PEAK1: variants seen among roughly 807,000 people sequenced by gnomAD.
PEAK1 encodes inactive tyrosine-protein kinase PEAK1.
In PEAK1, 54 loss-of-function variants were observed where a neutral mutation model predicts 124.7. That is an observed-to-expected ratio of 0.43 (90% confidence interval 0.35 to 0.54). The LOEUF (loss-of-function observed/expected upper bound fraction) is 0.54. Among genes scored for constraint, PEAK1 ranks in the 20% least tolerant of loss-of-function variants. The pLI is 0.01. For synonymous variants in PEAK1, 719 were observed against 760.0 expected, an observed-to-expected ratio of 0.95 and a Z score of 0.89; for missense variants, 2,046 against 2,134.5, an observed-to-expected ratio of 0.96 and a Z score of 0.82.
chr15:77,166,260 G>A (rs1422849577), intron 7 of PEAK1, among the ~76,000 whole-genome samples: 1 of 152,150 alleles, frequency 6.6e-6, no homozygotes, highest in Non-Finnish European at 1.5e-5. Context: ...TTTACCGAAT[G>A]CTAGGCACTG....
intron 5 of PEAK1, among the ~76,000 whole-genome samples, chr15:77,261,999 C>G (rs1385920940): frequency 6.6e-6 from 1 of 152,066 alleles, no homozygotes. Flanking sequence ...ATTTCATATC[C>G]AGCCAAACTA....
chr15:77,348,125 C>A (rs1017217581), intron 2 of PEAK1: 2 of 978,612 alleles, frequency 2.0e-6, no homozygotes, highest in Middle Eastern at 5.2e-4. Flanking sequence ...CAATGGAGAT[C>A]AAAAACTTGC....
At chr15:77,175,379 C>G (rs1183746169) in intron 7 of PEAK1, among the ~76,000 whole-genome samples, 1 of 151,996 alleles carries the variant, frequency 6.6e-6, no homozygotes, top group Non-Finnish European at 1.5e-5. Context: ...TATCCAGAAT[C>G]TACAATGAAC....
intron 6 of PEAK1, among the ~76,000 whole-genome samples, chr15:77,243,956 G>A (rs2060466312): frequency 6.7e-6 from 1 of 148,600 alleles, no homozygotes; most frequent in Non-Finnish European, 1.5e-5. Context: ...CAACAGAAGT[G>A]AAACTCTTTC....
intron 5 of PEAK1, among the ~76,000 whole-genome samples, chr15:77,255,956 A>G (rs1235723534): frequency 6.6e-6 from 1 of 152,182 alleles, no homozygotes. Context: ...AAGACATTAT[A>G]GACACAGGTA....
chr15:77,418,160 C>T lies in PEAK1; in HGVS notation c.-666+1846G>A, dbSNP rs1332355798. On this transcript the variant is annotated intron_variant, in intron 1 of 9. Coordinates refer to ENST00000682557, the MANE Select transcript of PEAK1 (RefSeq NM_001385026.1). ...TCTGTATACTATCAACTGGATAAAA[C>T]GAATAGTTGAGGTATCATAATAGTT... 5 of 984,318 alleles carry T rather than the reference C, an allele frequency of 5.1e-6. No individual in the cohort carries two copies. In the African/African-American group the frequency reaches 7.0e-5, roughly 14 times the overall value. 61.0% of individuals were successfully genotyped at this position (984,318 alleles called of 1,614,324 possible).
intron 8 of PEAK1, among the ~76,000 whole-genome samples, chr15:77,149,235 T>G (rs2054396216): frequency 6.6e-6 from 1 of 152,228 alleles, no homozygotes; most frequent in Admixed American, 6.5e-5. Context: ...TGCTTCACAA[T>G]GTAATTTTCA....
At chr15:77,413,107 C>T (rs1355994742) in intron 1 of PEAK1, among the ~76,000 whole-genome samples, 1 of 151,986 alleles carries the variant, frequency 6.6e-6, no homozygotes, top group Non-Finnish European at 1.5e-5. Flanking sequence ...CTTCAGAAGC[C>T]ACAGCAATAA....
rs532083960 is a variant in PEAK1 at position 77,201,529 on chromosome 15, C to T, written c.-114-19489G>A. Reference sequence around the variant, plus strand: ...CTGGGATTACAGGCATGAGCCACTGCGCCTGGCCCAAGCCTTTGTGTCTTA... The same window carrying T: ...CTGGGATTACAGGCATGAGCCACTGTGCCTGGCCCAAGCCTTTGTGTCTTA... On this transcript the variant is annotated intron_variant, in intron 6 of 9. Transcript: ENST00000682557. Among the ~76,000 whole-genome samples, 18 of 152,162 alleles carry T rather than the reference C, an allele frequency of 1.2e-4. 1 individual carries two copies. In the East Asian group the frequency reaches 1.7e-3, roughly 15 times the overall value.
chr15:77,117,979 C>G (rs1218882441), intron 9 of PEAK1, among the ~76,000 whole-genome samples: 2 of 152,108 alleles, frequency 1.3e-5, no homozygotes, highest in Non-Finnish European at 2.9e-5. Flanking sequence ...TGTTTAGCTT[C>G]ACAGATCTAC....
intron 9 of PEAK1, 88 bp from the exon 10 acceptor site, chr15:77,115,407 T>A: frequency 8.1e-7 from 1 of 1,236,344 alleles, no homozygotes; most frequent in Non-Finnish European, 1.1e-6. Context: ...GGTGACTGGT[T>A]AGGGACAAAC....
intron 5 of PEAK1, among the ~76,000 whole-genome samples, chr15:77,254,625 G>C (rs1367025212): frequency 6.6e-6 from 1 of 151,998 alleles, no homozygotes; most frequent in Non-Finnish European, 1.5e-5. Context: ...TAGAAACTGG[G>C]TCTCACTACA....
chr15:77,191,218 T>C (rs2057815319), intron 6 of PEAK1, among the ~76,000 whole-genome samples: 1 of 152,214 alleles, frequency 6.6e-6, no homozygotes, highest in East Asian at 1.9e-4. Flanking sequence ...TAAAGGAGTA[T>C]AATAACTACC....
intron 2 of PEAK1, among the ~76,000 whole-genome samples, chr15:77,312,224 T>C (rs1468387295): frequency 2.0e-5 from 3 of 152,028 alleles, no homozygotes; most frequent in Non-Finnish European, 4.4e-5. Flanking sequence ...ATAAGAAAAA[T>C]AGATTACAGT....
At chr15:77,201,998 ATTCATTTTAGACTCCAATATTG>A (rs1418697340) in intron 6 of PEAK1, among the ~76,000 whole-genome samples, 1 of 152,136 alleles carries the variant, frequency 6.6e-6, no homozygotes, top group East Asian at 1.9e-4. Flanking sequence ...CAAACTTGGT[ATTCATTTTAGACTCCAATATTG>A]TTCCAAATCA....
chr15:77,201,655 G>C (rs1293168508), intron 6 of PEAK1, among the ~76,000 whole-genome samples: 2 of 152,116 alleles, frequency 1.3e-5, no homozygotes, highest in Non-Finnish European at 2.9e-5. Context: ...GCCTCCCTTT[G>C]ATTAGTCAAA....
intron 9 of PEAK1, among the ~76,000 whole-genome samples, chr15:77,116,006 T>C (rs2051336351): frequency 6.6e-6 from 1 of 152,200 alleles, no homozygotes; most frequent in Non-Finnish European, 1.5e-5. Context: ...TTATGCTTTC[T>C]CTTAACAGGC....
intron 5 of PEAK1, among the ~76,000 whole-genome samples, chr15:77,253,612 T>C (rs1392805515): frequency 1.3e-5 from 2 of 152,192 alleles, no homozygotes; most frequent in South Asian, 4.1e-4. Context: ...TTACTTTACC[T>C]TCATTTTTGA....
intron 2 of PEAK1, chr15:77,335,037 G>A: frequency 1.0e-6 from 1 of 985,446 alleles, no homozygotes; most frequent in Non-Finnish European, 1.2e-6. Context: ...TTAGTGACTA[G>A]GCCACCTATG....
Sources: gnomAD v4.1 joint callset for allele counts (sites outside exome capture counted in the v4.1 genomes callset) on GRCh38, gnomAD v4.1.1 for gene constraint, MANE v1.5 for transcripts, NCBI Gene and HGNC (gene_info 2026-07-23, HGNC 2026-07-21) for gene names.